Variants in CC2D2B observed in about 807,000 individuals in gnomAD.
The protein encoded by CC2D2B is coiled-coil and C2 domain containing 2B.
Under a neutral mutation model 161.2 loss-of-function variants are expected in CC2D2B, and 128 were observed. The observed-to-expected ratio is 0.79, with a 90% CI of 0.69 to 0.92. CC2D2B has a LOEUF of 0.92. CC2D2B is among the 40% of genes least tolerant of loss of function. The pLI is 0.00. For synonymous variants in CC2D2B, 391 were observed against 449.8 expected (o/e 0.87, Z 1.65); for missense variants, 1,173 against 1,375.1 (o/e 0.85, Z 2.32).
Position 95,938,260 on chromosome 10 carries a change from T to A in CC2D2B, c.535+71T>A, listed in dbSNP as rs545308434. ...GTTATGGGATAATAGCTTTATTGTA[T>A]GCTGGATAAATAAAAAATACTGATC... On this transcript the variant is annotated intron_variant, in intron 7 of 34. Coordinates refer to ENST00000646931, the MANE Select transcript of CC2D2B (RefSeq NM_001349008.3). 16 of 978,618 alleles carry A rather than the reference T, an allele frequency of 1.6e-5. No individual in the cohort carries two copies. The African/African-American group carries it at 2.6e-4, about 16-fold the overall frequency. The allele number at this position is 978,618 out of a possible 1,614,324, so 60.6% of individuals were successfully genotyped here.
Position 96,033,183 on chromosome 10 carries a change from G to A in CC2D2B, c.*1175G>A, listed in dbSNP as rs1334277026. On this transcript the variant is annotated 3_prime_UTR_variant, in exon 35 of 35. Transcript: ENST00000646931. Reference sequence around the variant, plus strand: ...GAGGTTTCTTGGTTCACTCCCACAAGCAGAGAGCAGAGACCCCAAATGTAT... The same window carrying A: ...GAGGTTTCTTGGTTCACTCCCACAAACAGAGAGCAGAGACCCCAAATGTAT... 1.3e-5 allele frequency among the ~76,000 whole-genome samples: 2 copies of A among 152,164 alleles called. No homozygotes were observed. Among genetic ancestry groups the A allele is most frequent in the Non-Finnish European group, 2.9e-5 (2 of 68,028 alleles).
At chr10:96,007,714 T>C (rs2078812016) in intron 25 of CC2D2B, among the ~76,000 whole-genome samples, 1 of 152,156 alleles carries the variant, frequency 6.6e-6, no homozygotes, top group Non-Finnish European at 1.5e-5. Flanking sequence ...AGCAGCTTTT[T>C]TCAAACTTCA....
chr10:95,950,821 C>A (rs903883156), intron 10 of CC2D2B, among the ~76,000 whole-genome samples: 3 of 149,204 alleles, frequency 2.0e-5, no homozygotes, highest in Non-Finnish European at 3.0e-5. Flanking sequence ...TAAATATCTG[C>A]TTTTTTTTTT....
intron 2 of CC2D2B, among the ~76,000 whole-genome samples, chr10:95,912,418 T>G (rs937612436): frequency 6.6e-6 from 1 of 152,064 alleles, no homozygotes; most frequent in Admixed American, 6.6e-5. Context: ...TTTTGATGCT[T>G]AGGAGAGTGA....
intron 25 of CC2D2B, 70 bp downstream of exon 25, chr10:96,004,318 C>T: frequency 1.2e-6 from 1 of 820,276 alleles, no homozygotes; most frequent in Non-Finnish European, 1.9e-6. Context: ...AGTCTACTAA[C>T]ATGTTTGTAA....
chr10:95,934,324 G>A (rs991630691), intron 6 of CC2D2B, among the ~76,000 whole-genome samples: 1 of 152,104 alleles, frequency 6.6e-6, no homozygotes, highest in Non-Finnish European at 1.5e-5. Context: ...GCTCCGTCGG[G>A]GTGGGATCCA....
intron 17 of CC2D2B, among the ~76,000 whole-genome samples, chr10:95,976,377 A>G (rs1400959518): frequency 1.3e-5 from 2 of 152,198 alleles, no homozygotes; most frequent in Admixed American, 1.3e-4. Flanking sequence ...TTACTTGGAA[A>G]CTCAAGCTTA....
intron 6 of CC2D2B, 96 bp from the exon 7 acceptor site, chr10:95,937,881 GCAGGATCAGACGCA>G (rs1317008976): frequency 1.5e-6 from 1 of 652,178 alleles, no homozygotes; most frequent in Non-Finnish European, 2.7e-6. Context: ...TCTGTGGGTG[GCAGGATCAGACGCA>G]CAGTTCACAG....
At chr10:95,922,250 C>G (rs1468359149) in intron 3 of CC2D2B, among the ~76,000 whole-genome samples, 174 bp downstream of exon 3, 1 of 152,138 alleles carries the variant, frequency 6.6e-6, no homozygotes, top group African/African-American at 2.4e-5. Context: ...ATAGAAAAGT[C>G]AATGGATGTA....
chr10:95,930,348 C>G (rs1275445264), intron 6 of CC2D2B, among the ~76,000 whole-genome samples: 1 of 152,184 alleles, frequency 6.6e-6, no homozygotes, highest in Non-Finnish European at 1.5e-5. Flanking sequence ...CAAACAGAGA[C>G]AATTTGACTT....
intron 33 of CC2D2B, among the ~76,000 whole-genome samples, chr10:96,026,305 T>C (rs1178644057): frequency 6.6e-6 from 1 of 152,168 alleles, no homozygotes; most frequent in African/African-American, 2.4e-5. Context: ...CTCTCCTCCC[T>C]GGCATATTCA....
intron 11 of CC2D2B, among the ~76,000 whole-genome samples, chr10:95,958,595 G>C (rs116734143): frequency 0.037 from 5,567 of 152,024 alleles, 141 homozygotes; most frequent in South Asian, 0.079. Flanking sequence ...AAGCTGAAAA[G>C]TATAATTGAA....
intron 2 of CC2D2B, among the ~76,000 whole-genome samples, chr10:95,914,003 G>A (rs961054794): frequency 9.2e-5 from 14 of 152,124 alleles, no homozygotes; most frequent in African/African-American, 3.1e-4. Flanking sequence ...TTGATTGCCT[G>A]TGCTTTTGGG....
intron 20 of CC2D2B, among the ~76,000 whole-genome samples, chr10:95,989,620 C>T (rs1272737369): frequency 1.3e-5 from 2 of 152,210 alleles, no homozygotes; most frequent in South Asian, 2.1e-4. Flanking sequence ...TAAGGAGAAG[C>T]CCAGGAGGGA....
At chr10:95,908,873 A>G (rs141267536) in intron 1 of CC2D2B, among the ~76,000 whole-genome samples, 1,888 of 152,066 alleles carry the variant, frequency 0.012, 18 homozygotes, top group Non-Finnish European at 0.019. Flanking sequence ...TTGAGTAGCA[A>G]AACTACGTTG....
chr10:95,918,467 A>T (rs1010780303), intron 2 of CC2D2B, among the ~76,000 whole-genome samples: 2 of 152,210 alleles, frequency 1.3e-5, no homozygotes, highest in African/African-American at 2.4e-5. Flanking sequence ...GTTTTCACTG[A>T]GAAATGTGCT....
At chr10:95,989,323 G>A (rs567043067) in intron 20 of CC2D2B, among the ~76,000 whole-genome samples, 1 of 152,210 alleles carries the variant, frequency 6.6e-6, no homozygotes, top group South Asian at 2.1e-4. Context: ...CCAATGTGAG[G>A]GGCAAATGAG....
At chr10:95,991,920 A>C (rs2077973384) in intron 21 of CC2D2B, among the ~76,000 whole-genome samples, 1 of 152,168 alleles carries the variant, frequency 6.6e-6, no homozygotes, top group Admixed American at 6.5e-5. Context: ...GAAGTAACTC[A>C]ATTCTCATAC....
At position 96,016,212 on chromosome 10, in the gene CC2D2B, T is replaced by C. The variant is rs1451635047; in HGVS notation, c.3528T>C (p.Ser1176=). 1 of 1,610,752 alleles carries C rather than the reference T, an allele frequency of 6.2e-7. No individual in the cohort carries two copies. Among genetic ancestry groups the C allele is most frequent in the Admixed American group, 1.7e-5 (1 of 59,590 alleles). Residue 1176 remains serine (S), a synonymous_variant, in exon 30 of 35, where the codon AGT becomes AGC. Coordinates refer to ENST00000646931, the MANE Select transcript of CC2D2B (RefSeq NM_001349008.3). ...DIWMTSEHCI[S]LAIGNKEEHA... The stretch of plus-strand genomic sequence containing the variant: ...TTGTTTTGTCTTAGCACTGCATCAG[T>C]TTAGCTATCGGAAATAAGGAGGAGC...
Sources: gnomAD v4.1 joint callset for allele counts (sites outside exome capture counted in the v4.1 genomes callset) on GRCh38, gnomAD v4.1.1 for gene constraint, MANE v1.5 for transcripts, NCBI Gene and HGNC (gene_info 2026-07-23, HGNC 2026-07-21) for gene names.